The following PDE12 variants were observed in gnomAD, a reference collection of about 807,000 sequenced individuals.
PDE12 encodes the protein phosphodiesterase 12, also known as 2',5'-phosphodiesterase 12.
Under a neutral mutation model 45.4 loss-of-function variants are expected in PDE12, and 26 were observed. That is an observed-to-expected ratio of 0.57 (90% confidence interval 0.42 to 0.79). PDE12 has a LOEUF of 0.79. Ranked by LOEUF, PDE12 falls within the 30% of genes least tolerant of loss-of-function variation. The probability of loss-of-function intolerance (pLI) is 0.00; values close to 1 mark genes in which losing one functional copy is unlikely to be tolerated. For missense variants in PDE12, 668 were observed against 790.0 expected (o/e 0.85, Z 1.85); for synonymous variants, 283 against 323.9 (o/e 0.87, Z 1.36).
the PDE12 span, among the ~76,000 whole-genome samples, chr3:57,583,069 T>C: frequency 6.6e-6 from 1 of 152,118 alleles, no homozygotes; most frequent in African/African-American, 2.4e-5. Context: ...TAGAGAGCCC[T>C]CCCCATACCC....
chr3:57,604,617 T>A, the PDE12 span, among the ~76,000 whole-genome samples: 1 of 8,338 alleles, frequency 1.2e-4, no homozygotes, highest in Non-Finnish European at 2.3e-4. Flanking sequence ...TTTTTTTTTT[T>A]GGGGGGGGTG....
chr3:57,634,657 C>A, the PDE12 span: 1 of 1,490,418 alleles, frequency 6.7e-7, no homozygotes, highest in East Asian at 2.5e-5. Context: ...ACAAAAAAAC[C>A]CAAGTACCAT....
In PDE12 at chr3:57,556,609, G is replaced by T. The variant is rs1031832746; in HGVS notation, c.230G>T (p.Arg77Leu). 1.9e-6 allele frequency: 3 copies of T among 1,611,894 alleles called. No individual in the cohort carries two copies. The highest frequency in any genetic ancestry group is 1.7e-5 in the Admixed American group (1 of 59,984). Residue 77 changes from arginine to leucine, a missense_variant, in exon 1 of 3, where the codon CGC becomes CTC. This residue lies in a region of PDE12 where 580 missense variants were observed against 662.9 expected (regional missense o/e 0.87). Transcript: ENST00000311180. The surrounding 1 kb of genome is among the most constrained non-coding windows in gnomAD (Gnocchi z 5.0). ...QSEPLGRVLS[R>L]IATNALKGHA... The stretch of plus-strand genomic sequence containing the variant: ...GAGCCGCTGGGTCGAGTCCTCAGCC[G>T]CATCGCTACCAATGCCCTAAAGGGT...
rs1395193486 is a variant in PDE12, at chr3:57,557,182, G to A, written c.803G>A (p.Cys268Tyr). The A allele has an allele frequency of 1.2e-6, 2 of 1,614,098 alleles. No individual in the cohort carries two copies. The highest frequency in any genetic ancestry group is 2.2e-5 in the South Asian group (2 of 91,086). The change falls in exon 1 of 3, where the codon TGT becomes TAT. Residue 268 changes from cysteine (C) to tyrosine (Y), a missense_variant. Physicochemically the swap from Cys to Tyr is radical, Grantham distance 194. Transcript: ENST00000311180. Reference protein sequence around the residue: ...FGHSRELESVCVVEAGPGTCT... With the variant: ...FGHSRELESVYVVEAGPGTCT... ...CACAGCCGGGAGTTGGAAAGTGTGT[G>A]TGTGGTAGAGGCTGGGCCTGGCACC...
chr3:57,570,273 G>A (rs917997136), downstream of PDE12, among the ~76,000 whole-genome samples: 3 of 130,942 alleles, frequency 2.3e-5, no homozygotes, highest in African/African-American at 5.7e-5. Context: ...GTGCAGTGGC[G>A]CTATGTTGGC....
At chr3:57,648,461 A>AT in the PDE12 span, among the ~76,000 whole-genome samples, 4 of 152,186 alleles carry the variant, frequency 2.6e-5, no homozygotes, top group Non-Finnish European at 5.9e-5. Context: ...ATTCCCATCA[A>AT]TGCCCTCCTT....
the PDE12 span, among the ~76,000 whole-genome samples, chr3:57,580,456 C>G: frequency 1.3e-5 from 2 of 152,202 alleles, no homozygotes; most frequent in East Asian, 1.9e-4. Context: ...GGCTGGAGTA[C>G]AGAGGCGCAA....
chr3:57,656,033 C>T, the PDE12 span, among the ~76,000 whole-genome samples: 15 of 152,184 alleles, frequency 9.9e-5, no homozygotes, highest in African/African-American at 3.6e-4. Context: ...TCCCTCTTTT[C>T]ATCCTAATAA....
At chr3:57,639,792 A>G in the PDE12 span, among the ~76,000 whole-genome samples, 2 of 152,264 alleles carry the variant, frequency 1.3e-5, no homozygotes, top group East Asian at 3.9e-4. Context: ...TCTATTTCAT[A>G]AGGCTTCTAA....
the PDE12 span, chr3:57,596,876 G>A: frequency 3.4e-6 from 2 of 586,506 alleles, no homozygotes; most frequent in Non-Finnish European, 6.0e-6. Context: ...TCCCTGTCTC[G>A]TCTGGCGACA....
the PDE12 span, among the ~76,000 whole-genome samples, chr3:57,600,544 A>G: frequency 6.7e-6 from 1 of 149,348 alleles, no homozygotes. Flanking sequence ...GACCACAGAC[A>G]TATTCCACCA....
At chr3:57,647,902 G>C in the PDE12 span, among the ~76,000 whole-genome samples, 4 of 151,872 alleles carry the variant, frequency 2.6e-5, no homozygotes, top group Non-Finnish European at 5.9e-5. Flanking sequence ...GAGTGAGCAG[G>C]GTAAGGAGGG....
chr3:57,561,821 T>C lies in PDE12; in HGVS notation c.*1817T>C, dbSNP rs1011031828. ...AATGTATTGTTAACACTTAGTAAGT[T>C]TGAAAATGAAGGGGTTTTATCTGCA... On this transcript the variant is annotated 3_prime_UTR_variant, in exon 3 of 3. Coordinates refer to ENST00000311180, the MANE Select transcript of PDE12 (RefSeq NM_177966.7). The C allele has an allele frequency of 1.2e-5, 12 of 985,022 alleles. No homozygotes were observed. Among genetic ancestry groups the C allele is most frequent in the African/African-American group, 3.5e-5 (2 of 57,224 alleles). The allele number at this position is 985,022 out of a possible 1,614,324, so 61.0% of individuals were successfully genotyped here. A position where few individuals can be genotyped will look rare whatever the true frequency, so the allele number is the denominator to read the frequency against.
At chr3:57,574,660 G>T in the PDE12 span, among the ~76,000 whole-genome samples, 3 of 152,012 alleles carry the variant, frequency 2.0e-5, no homozygotes. Context: ...TCCTGCCTTG[G>T]GTTCCCAAAG....
the PDE12 span, among the ~76,000 whole-genome samples, chr3:57,632,206 A>G: frequency 1.5e-5 from 2 of 134,648 alleles, no homozygotes; most frequent in Admixed American, 7.6e-5. Flanking sequence ...TTTTTAGTAG[A>G]GACGAGACGG....
chr3:57,557,338 A>G lies in PDE12; in HGVS notation c.959A>G (p.Tyr320Cys), dbSNP rs2069675866. ...TTCTCGCGAACGGTTCTGTACCCAT[A>G]CTGTGCCCCCTACGCCCTGGAGCTC... is the stretch of plus-strand genomic sequence containing the variant. ...TEFSRTVLYP[Y>C]CAPYALELDY... Residue 320 changes from tyrosine to cysteine, a missense_variant, in exon 1 of 3, where the codon TAC becomes TGC. Coordinates refer to ENST00000311180, the MANE Select transcript of PDE12 (RefSeq NM_177966.7). The G allele has an allele frequency of 6.2e-7, 1 of 1,613,742 alleles. No individual in the cohort carries two copies. The highest frequency in any genetic ancestry group is 1.1e-5 in the South Asian group (1 of 91,080).
the PDE12 span, chr3:57,630,859 G>C: frequency 1.2e-6 from 2 of 1,610,346 alleles, no homozygotes; most frequent in African/African-American, 2.7e-5. Context: ...TAGAAATTAG[G>C]AGTGGATATG....
chr3:57,576,522 T>G, the PDE12 span, among the ~76,000 whole-genome samples: 5 of 151,044 alleles, frequency 3.3e-5, no homozygotes, highest in Non-Finnish European at 7.4e-5. Flanking sequence ...TTTTTTTTTT[T>G]TTTTGAAGAG....
chr3:57,616,480 GAAA>G, the PDE12 span, among the ~76,000 whole-genome samples: 1 of 139,594 alleles, frequency 7.2e-6, no homozygotes, highest in African/African-American at 3.2e-5. Context: ...GAAGGAAGAA[GAAA>G]GAAGGAGGAA....
Sources: allele counts gnomAD v4.1 joint callset (sites outside exome capture counted in the v4.1 genomes callset), GRCh38; gene constraint gnomAD v4.1.1; regional missense constraint gnomAD v4.1.1; non-coding constraint Gnocchi (gnomAD v3.1); transcripts MANE v1.5; gene names NCBI Gene and HGNC (gene_info 2026-07-23, HGNC 2026-07-21).